The following ADAM2 variants were observed in gnomAD, a reference collection of about 807,000 sequenced individuals.
The protein encoded by ADAM2 is ADAM metallopeptidase domain 2.
ADAM2 carries 101 observed loss-of-function variants against 99.3 expected under a neutral mutation model. The ratio of observed to expected loss-of-function variants is 1.02; its 90% CI spans 0.87 to 1.20. The LOEUF is 1.20. ADAM2 is among the 50% of genes most tolerant of loss of function. The pLI, the probability that ADAM2 is intolerant of heterozygous loss-of-function variation, is 0.00. For missense variants in ADAM2, 948 were observed against 878.7 expected (o/e 1.08, Z -1.00); for synonymous variants, 323 against 287.6 (o/e 1.12, Z -1.25).
chr8:39,782,191 G>C (rs1351562584), intron 10 of ADAM2, among the ~76,000 whole-genome samples: 1 of 152,112 alleles, frequency 6.6e-6, no homozygotes, highest in African/African-American at 2.4e-5. Flanking sequence ...AGTTTGCTGA[G>C]AGTATTCAAT....
At chr8:39,746,786 T>G (rs1438642317) in intron 18 of ADAM2, among the ~76,000 whole-genome samples, 155 bp from the exon 19 acceptor site, 7 of 152,240 alleles carry the variant, frequency 4.6e-5, no homozygotes, top group Admixed American at 2.6e-4. Flanking sequence ...CTTGAAAATA[T>G]AAATGCCCAA....
chr8:39,809,803 A>G (rs900679423), intron 6 of ADAM2, among the ~76,000 whole-genome samples: 1 of 152,304 alleles, frequency 6.6e-6, no homozygotes, highest in South Asian at 2.1e-4. Flanking sequence ...GGAAAGGAAA[A>G]ACCGGTACCA....
intron 7 of ADAM2, among the ~76,000 whole-genome samples, chr8:39,790,309 A>C (rs1387457067): frequency 6.6e-6 from 1 of 151,976 alleles, no homozygotes; most frequent in African/African-American, 2.4e-5. Context: ...ATGAATAGGT[A>C]ATCAAATTGC....
chr8:39,744,085 G>T (rs1823346869), intron 20 of ADAM2, 21 bp from the exon 21 acceptor site: 1 of 150,954 alleles, frequency 6.6e-6, no homozygotes. Context: ...GAAAAAAAAA[G>T]TCACCGTTAT....
chr8:39,836,896 A>G (rs1025795613), intron 2 of ADAM2, among the ~76,000 whole-genome samples: 1 of 152,212 alleles, frequency 6.6e-6, no homozygotes, highest in Non-Finnish European at 1.5e-5. Flanking sequence ...AAGACATCCA[A>G]GAGGAAGACA....
intron 7 of ADAM2, among the ~76,000 whole-genome samples, chr8:39,794,312 A>G (rs1268163641): frequency 6.6e-6 from 1 of 152,158 alleles, no homozygotes; most frequent in Non-Finnish European, 1.5e-5. Context: ...TGTTTATATA[A>G]ATGAAATATT....
chr8:39,809,742 C>G (rs191954509), intron 6 of ADAM2, among the ~76,000 whole-genome samples: 2 of 152,112 alleles, frequency 1.3e-5, no homozygotes, highest in African/African-American at 2.4e-5. Flanking sequence ...ATATTATTCT[C>G]TCTTTTACCA....
At chr8:39,833,297 A>G (rs1363146032) in intron 3 of ADAM2, among the ~76,000 whole-genome samples, 1 of 152,156 alleles carries the variant, frequency 6.6e-6, no homozygotes, top group African/African-American at 2.4e-5. Context: ...GAGTGCAGCT[A>G]TGAATTCTAG....
Position 39,755,826 on chromosome 8 carries a change from T to C in ADAM2, c.1699A>G (p.Ile567Val), listed in dbSNP as rs1483177368. 3.7e-6 allele frequency: 6 copies of C among 1,609,704 alleles called. No homozygotes were observed. In the East Asian group the frequency reaches 6.7e-5, roughly 18 times the overall value. ...ACAGCAATGCAGAGATGTCCACTTATGTTGGCATAAATAATAGTGGCTCTT... is the reference window on the plus strand; with the variant it reads ...ACAGCAATGCAGAGATGTCCACTTACGTTGGCATAAATAATAGTGGCTCTT... ...IPRATIIYAN[I>V]SGHLCIAVEF... is the part of the protein sequence containing the mutation. The change falls in exon 16 of 21, where the codon ATA becomes GTA. Residue 567 changes from isoleucine to valine, a missense_variant. Coordinates refer to ENST00000265708, the MANE Select transcript of ADAM2 (RefSeq NM_001464.5).
intron 19 of ADAM2, among the ~76,000 whole-genome samples, chr8:39,746,185 C>T (rs1186941612): frequency 2.0e-5 from 3 of 152,080 alleles, no homozygotes; most frequent in African/African-American, 4.8e-5. Context: ...GCCACCACGC[C>T]TGGCTAATTT....
At chr8:39,827,873 C>T (rs565035787) in intron 3 of ADAM2, among the ~76,000 whole-genome samples, 305 of 152,046 alleles carry the variant, frequency 2.0e-3, no homozygotes, top group Non-Finnish European at 3.7e-3. Flanking sequence ...CTCAAGTATT[C>T]TCAACCTCAA....
chr8:39,836,612 T>A (rs1006612835), intron 2 of ADAM2, among the ~76,000 whole-genome samples: 1 of 151,922 alleles, frequency 6.6e-6, no homozygotes, highest in African/African-American at 2.4e-5. Flanking sequence ...GTGAAAATGA[T>A]AAGAAGATTT....
At chr8:39,747,467 T>C (rs1823521856) in intron 18 of ADAM2, among the ~76,000 whole-genome samples, 1 of 152,198 alleles carries the variant, frequency 6.6e-6, no homozygotes, top group Non-Finnish European at 1.5e-5. Flanking sequence ...CATAAAATAC[T>C]TAGAAGGCCT....
At chr8:39,833,196 T>C (rs1454022667) in intron 3 of ADAM2, among the ~76,000 whole-genome samples, 1 of 152,082 alleles carries the variant, frequency 6.6e-6, no homozygotes, top group Non-Finnish European at 1.5e-5. Flanking sequence ...AAAAAAGTAA[T>C]TTTGAGTCTT....
At chr8:39,750,960 G>C (rs1367449277) in intron 16 of ADAM2, among the ~76,000 whole-genome samples, 2 of 152,112 alleles carry the variant, frequency 1.3e-5, no homozygotes, top group African/African-American at 2.4e-5. Context: ...GTTTGCTAAA[G>C]AATATTGGCA....
Position 39,750,122 on chromosome 8 carries a change from T to C in ADAM2, c.1798-378A>G, listed in dbSNP as rs571019768. On this transcript the variant is annotated intron_variant, in intron 16 of 20. Transcript: ENST00000265708. ...TTTGAGAACAGTTAAAACCTTCTCA[T>C]TGAGCCCTGATGATAGATAGGACTT... Among the ~76,000 whole-genome samples the C allele has an allele frequency of 2.6e-4, 40 of 152,248 alleles. No homozygotes were observed. The South Asian group carries it at 8.1e-3, about 31-fold the overall frequency.
At chr8:39,812,776 G>A (rs925442106) in intron 6 of ADAM2, among the ~76,000 whole-genome samples, 1 of 152,104 alleles carries the variant, frequency 6.6e-6, no homozygotes, top group African/African-American at 2.4e-5. Context: ...ATTCAAGATG[G>A]ATTAAAGACT....
In ADAM2 at chr8:39,749,397, A is replaced by G; in HGVS notation, c.1929T>C (p.Asp643=). The G allele has an allele frequency of 1.2e-6, 2 of 1,613,484 alleles. No homozygotes were observed. The highest frequency in any genetic ancestry group is 1.7e-6 in the Non-Finnish European group (2 of 1,179,572). The change falls in exon 18 of 21, where the codon GAT becomes GAC. Residue 643 remains aspartate, a synonymous_variant. Coordinates refer to ENST00000265708, the MANE Select transcript of ADAM2 (RefSeq NM_001464.5). ...CHCSASYLPP[D]CSVQSDLWPG... is the part of the protein sequence containing the mutation. The stretch of plus-strand genomic sequence containing the variant: ...GCCATAGATCTGATTGAACTGAGCA[A>G]TCTGGAGGTAAATATGAAGCACTAC...
intron 16 of ADAM2, among the ~76,000 whole-genome samples, chr8:39,750,858 A>T (rs1475864432): frequency 6.6e-6 from 1 of 152,198 alleles, no homozygotes; most frequent in Non-Finnish European, 1.5e-5. Context: ...GTTTCAAAAG[A>T]ACAAGAAATG....
Sources: gnomAD v4.1 joint callset for allele counts (sites outside exome capture counted in the v4.1 genomes callset) on GRCh38, gnomAD v4.1.1 for gene constraint, MANE v1.5 for transcripts, NCBI Gene and HGNC (gene_info 2026-07-23, HGNC 2026-07-21) for gene names.